ZFYVE9: variants seen among roughly 807,000 people sequenced by gnomAD.
ZFYVE9 encodes zinc finger FYVE domain-containing protein 9.
In ZFYVE9, 43 loss-of-function variants were observed where a neutral mutation model predicts 126.7. The ratio of observed to expected loss-of-function variants is 0.34; its 90% confidence interval spans 0.27 to 0.44. ZFYVE9 has a LOEUF of 0.44. Ranked by LOEUF, ZFYVE9 falls within the 20% of genes least tolerant of loss-of-function variation. The pLI, the probability that ZFYVE9 is intolerant of heterozygous loss-of-function variation, is 1.00. For synonymous variants in ZFYVE9, 521 were observed against 597.4 expected (o/e 0.87, Z 1.87); for missense variants, 1,476 against 1,697.0 (o/e 0.87, Z 2.29).
At chr1:52,263,205 C>T (rs1645597569) in intron 4 of ZFYVE9, among the ~76,000 whole-genome samples, 1 of 151,834 alleles carries the variant, frequency 6.6e-6, no homozygotes, top group African/African-American at 2.4e-5. Flanking sequence ...ATTGGCATGG[C>T]AGATTTTGAT....
intron 1 of ZFYVE9, among the ~76,000 whole-genome samples, chr1:52,164,815 G>A (rs1460469006): frequency 1.3e-5 from 2 of 152,158 alleles, no homozygotes; most frequent in African/African-American, 4.8e-5. Flanking sequence ...GTAATCAGCT[G>A]GGTGATCTTG....
intron 2 of ZFYVE9, among the ~76,000 whole-genome samples, chr1:52,220,346 A>G (rs192898728): frequency 1.3e-5 from 2 of 152,276 alleles, no homozygotes; most frequent in Admixed American, 6.5e-5. Flanking sequence ...AAACCTGGAT[A>G]TGATATGTTC....
intron 10 of ZFYVE9, among the ~76,000 whole-genome samples, chr1:52,290,961 C>T (rs1645913725): frequency 6.6e-6 from 1 of 152,148 alleles, no homozygotes; most frequent in South Asian, 2.1e-4. Flanking sequence ...GCCCCAGATC[C>T]CACAACAGTG....
rs1644870957 is a variant in ZFYVE9 at position 52,197,440 on chromosome 1, A to G, written c.-142-18929A>G. On this transcript the variant is annotated intron_variant, in intron 1 of 18. Coordinates refer to ENST00000287727, the MANE Select transcript of ZFYVE9 (RefSeq NM_004799.4). ...TCACTCTTTTAAATTGGAATTTCTT[A>G]ACAGATGGTGTTTGAAGCAATCATA... 2.6e-5 allele frequency among the ~76,000 whole-genome samples: 4 copies of G among 152,168 alleles called. No individual in the cohort carries two copies. In the South Asian group the frequency reaches 8.3e-4, roughly 32 times the overall value.
At chr1:52,183,047 A>G (rs1462247830) in intron 1 of ZFYVE9, among the ~76,000 whole-genome samples, 1 of 152,184 alleles carries the variant, frequency 6.6e-6, no homozygotes, top group Non-Finnish European at 1.5e-5. Context: ...GTAAGAATTG[A>G]AAGTAAGTAA....
chr1:52,280,692 G>A (rs1461665179), intron 9 of ZFYVE9, among the ~76,000 whole-genome samples: 3 of 152,166 alleles, frequency 2.0e-5, no homozygotes, highest in African/African-American at 7.2e-5. Flanking sequence ...GTGGAACTAA[G>A]TAGTTCAGAA....
At chr1:52,218,289 G>A (rs34453683) in intron 2 of ZFYVE9, among the ~76,000 whole-genome samples, 8,196 of 152,204 alleles carry the variant, frequency 0.054, 239 homozygotes, top group South Asian at 0.076. Context: ...ACATCCTCTC[G>A]GGGATGGACT....
intron 1 of ZFYVE9, among the ~76,000 whole-genome samples, chr1:52,196,172 A>G (rs1294005069): frequency 2.0e-5 from 3 of 152,174 alleles, no homozygotes; most frequent in South Asian, 4.1e-4. Flanking sequence ...AGACTTGTAC[A>G]CTACTGGCCA....
intron 1 of ZFYVE9, among the ~76,000 whole-genome samples, chr1:52,187,618 A>T (rs560820964): frequency 1.6e-4 from 24 of 152,336 alleles, no homozygotes; most frequent in African/African-American, 5.8e-4. Context: ...TGAGAGAAAA[A>T]CAACTCCATT....
At chr1:52,325,770 A>G (rs1646284907) in intron 13 of ZFYVE9, among the ~76,000 whole-genome samples, 1 of 152,216 alleles carries the variant, frequency 6.6e-6, no homozygotes, top group Admixed American at 6.5e-5. Flanking sequence ...TACAAATTGT[A>G]TCCACTCCTC....
At chr1:52,338,999 A>G (rs1193274290) in intron 16 of ZFYVE9, among the ~76,000 whole-genome samples, 1 of 152,236 alleles carries the variant, frequency 6.6e-6, no homozygotes, top group Non-Finnish European at 1.5e-5. Context: ...AACAAGAGCG[A>G]AACTCTGTCT....
chr1:52,248,408 T>A (rs1004969266), intron 4 of ZFYVE9, among the ~76,000 whole-genome samples: 2 of 152,186 alleles, frequency 1.3e-5, no homozygotes, highest in African/African-American at 2.4e-5. Context: ...TTTAGTGCAC[T>A]GGCAGCTGAT....
intron 1 of ZFYVE9, among the ~76,000 whole-genome samples, chr1:52,179,172 T>G (rs2124536909): frequency 6.6e-6 from 1 of 152,276 alleles, no homozygotes; most frequent in South Asian, 2.1e-4. Context: ...GATGTCTGGG[T>G]TTGGATGATT....
chr1:52,146,411 T>G (rs1401183753), intron 1 of ZFYVE9, among the ~76,000 whole-genome samples: 8 of 152,150 alleles, frequency 5.3e-5, no homozygotes, highest in African/African-American at 1.9e-4. Flanking sequence ...ACTTAAGAAC[T>G]GTTTTCAGAA....
At chr1:52,153,171 C>T (rs1205302147) in intron 1 of ZFYVE9, among the ~76,000 whole-genome samples, 1 of 152,196 alleles carries the variant, frequency 6.6e-6, no homozygotes, top group Non-Finnish European at 1.5e-5. Context: ...TAACCAAACT[C>T]CTTGGACCTG....
chr1:52,319,684 G>T (rs72895961), intron 13 of ZFYVE9, among the ~76,000 whole-genome samples: 7,235 of 151,628 alleles, frequency 0.048, 581 homozygotes, highest in African/African-American at 0.16. Flanking sequence ...TTTATATGGG[G>T]ATAAAAAGAA....
chr1:52,207,164 T>G (rs1476576690), intron 1 of ZFYVE9, among the ~76,000 whole-genome samples: 1 of 152,216 alleles, frequency 6.6e-6, no homozygotes, highest in East Asian at 1.9e-4. Flanking sequence ...GTTGTATATC[T>G]CAGTAGTTTC....
intron 4 of ZFYVE9, among the ~76,000 whole-genome samples, chr1:52,262,159 T>C (rs555298149): frequency 2.0e-5 from 3 of 152,210 alleles, no homozygotes; most frequent in Admixed American, 1.3e-4. Flanking sequence ...TGCTTACTTA[T>C]AGACAGCTGT....
chr1:52,324,052 T>G, intron 13 of ZFYVE9, among the ~76,000 whole-genome samples: 1 of 147,990 alleles, frequency 6.8e-6, no homozygotes, highest in African/African-American at 2.5e-5. Context: ...AGAGCAAGAC[T>G]CAGTCTCAAA....
Sources: gnomAD v4.1 joint callset for allele counts (sites outside exome capture counted in the v4.1 genomes callset) on GRCh38, gnomAD v4.1.1 for gene constraint, MANE v1.5 for transcripts, NCBI Gene and HGNC (gene_info 2026-07-23, HGNC 2026-07-21) for gene names.